Variants in BCL6B observed in about 807,000 individuals in gnomAD.
BCL6B encodes B-cell CLL/lymphoma 6 member B protein.
BCL6B carries 28 observed loss-of-function variants against 44.6 expected under a neutral mutation model. The observed-to-expected ratio is 0.63, with a 90% CI of 0.47 to 0.86. The LOEUF is 0.86. Among genes scored for constraint, BCL6B ranks in the 40% least tolerant of loss-of-function variants. The pLI, the probability that BCL6B is intolerant of heterozygous loss-of-function variation, is 0.00. For missense variants in BCL6B, 626 were observed against 652.3 expected (o/e 0.96, Z 0.44); for synonymous variants, 268 against 263.6 (o/e 1.02, Z -0.16).
intron 8 of BCL6B, 74 bp from the exon 9 acceptor site, chr17:7,027,423 AGAGCTG>A: frequency 1.3e-6 from 2 of 1,491,518 alleles, no homozygotes; most frequent in Non-Finnish European, 1.9e-6. Context: ...CCCACCTGGG[AGAGCTG>A]GACGGCCGCC....
Position 7,027,915 on chromosome 17 carries a change from C to CCTG in BCL6B, c.*296_*297insCTG. ...TCCTGGTCTCCCTAAGGGAATAGCC[C>CCTG]TCCACCTGTGGCCCCCATTGCATTC... On this transcript the variant is annotated 3_prime_UTR_variant, in exon 9 of 9. Coordinates refer to ENST00000293805, the MANE Select transcript of BCL6B (RefSeq NM_181844.4). 1 of 1,221,100 alleles carries CCTG rather than the reference C, an allele frequency of 8.2e-7. No homozygotes were observed. 75.6% of individuals were successfully genotyped at this position (1,221,100 alleles called of 1,614,324 possible). A position where few individuals can be genotyped will look rare whatever the true frequency, so the allele number is the denominator to read the frequency against.
At position 7,027,772 on chromosome 17, in the gene BCL6B, G is replaced by C. The variant is rs1221815015; in HGVS notation, c.*153G>C. 1.7e-5 allele frequency: 24 copies of C among 1,453,488 alleles called. No individual in the cohort carries two copies. The highest frequency in any genetic ancestry group is 1.8e-5 in the Non-Finnish European group (20 of 1,108,448). The allele number at this position is 1,453,488 out of a possible 1,614,324, so 90.0% of individuals were successfully genotyped here. On this transcript the variant is annotated 3_prime_UTR_variant, in exon 9 of 9. Transcript: ENST00000293805. ...CTTAATTTCTCACTGGGGAGAGCAG[G>C]GGTGGCAGATCCTGGCTAGATCTGC...
rs2151662854 is a variant in BCL6B at position 7,024,134 on chromosome 17, GCT to G, written c.238_239del (p.Leu80AlafsTer56). The G allele has an allele frequency of 1.9e-6, 3 of 1,613,952 alleles. No individual in the cohort carries two copies. The highest frequency in any genetic ancestry group is 2.5e-6 in the Non-Finnish European group (3 of 1,180,018). On this transcript the variant is annotated frameshift_variant, in exon 3 of 9. Coordinates refer to ENST00000293805, the MANE Select transcript of BCL6B (RefSeq NM_181844.4). LOFTEE classifies it high-confidence loss of function. The surrounding 1 kb of genome is among the most constrained non-coding windows in gnomAD (Gnocchi z 6.6). ...RGRAGVGVDV[L>X]SLPGGPEARG... ...GCCGTGCGGGAGTCGGGGTGGACGTGCTCTCTCTGCCCGGGGGTCCCGAAGCG... is the reference window on the plus strand; with the variant it reads ...GCCGTGCGGGAGTCGGGGTGGACGTGCTCTCTGCCCGGGGGTCCCGAAGCG...
In BCL6B at chr17:7,026,768, C is replaced by T. The variant is rs561480116; in HGVS notation, c.1118C>T (p.Thr373Met). 55 of 1,614,184 alleles carry T rather than the reference C, an allele frequency of 3.4e-5. 1 individual carries two copies. In the Middle Eastern group the frequency reaches 5.1e-3, roughly 150 times the overall value. The change falls in exon 7 of 9, where the codon ACG (threonine) becomes ATG (methionine). Residue 373 changes from threonine (T) to methionine (M), a missense_variant. Coordinates refer to ENST00000293805, the MANE Select transcript of BCL6B (RefSeq NM_181844.4). The stretch of plus-strand genomic sequence containing the variant: ...TTTAACCGGCCAGCAAACCTGAAAA[C>T]GCACAGCCGCATCCATTCGGGAGAG... ...ARFNRPANLK[T>M]HSRIHSGEKP...
Position 7,023,733 on chromosome 17 carries a change from C to A in BCL6B, c.62C>A (p.Ser21Tyr). The A allele has an allele frequency of 6.2e-7, 1 of 1,613,292 alleles. No homozygotes were observed. Among genetic ancestry groups the A allele is most frequent in the Admixed American group, 1.7e-5 (1 of 60,026 alleles). ...TACGTCCGCGAGTTCACTCGCCACT[C>A]CTCCGACGTGCTGGGCAACCTCAAC... ...LGYVREFTRH[S>Y]SDVLGNLNEL... Residue 21 changes from serine to tyrosine, a missense_variant, in exon 2 of 9, where the codon TCC (serine) becomes TAC (tyrosine). By Grantham distance (144) the Ser-to-Tyr change is moderately radical. Transcript: ENST00000293805.
At chr17:7,025,933 A>AT (rs1910275929) in intron 5 of BCL6B, among the ~76,000 whole-genome samples, 1 of 149,378 alleles carries the variant, frequency 6.7e-6, no homozygotes, top group African/African-American at 2.5e-5. Context: ...TTATTTATTT[A>AT]TTTTTTTGAG....
At chr17:7,023,977 G>A in intron 2 of BCL6B, 106 bp from the exon 3 acceptor site, 1 of 1,525,018 alleles carries the variant, frequency 6.6e-7, no homozygotes, top group South Asian at 1.2e-5. Flanking sequence ...TGGGGGCGGG[G>A]TGATAGTGAG....
rs1910332791 is a variant in BCL6B at position 7,027,529 on chromosome 17, G to C, written c.1350G>C (p.Arg450=). 6.2e-7 allele frequency: 1 copy of C among 1,613,810 alleles called. No individual in the cohort carries two copies. Among genetic ancestry groups the C allele is most frequent in the African/African-American group, 1.3e-5 (1 of 75,016 alleles). The change falls in exon 9 of 9, where the codon CGG becomes CGC. Residue 450 remains arginine, a synonymous_variant. Coordinates refer to ENST00000293805, the MANE Select transcript of BCL6B (RefSeq NM_181844.4). ...YHCDPCGLHF[R]HKSQLRLHLR... Reference sequence around the variant, plus strand: ...GCGACCCCTGTGGCCTGCATTTCCGGCACAAGAGTCAACTGCGGCTGCATC... The same window carrying C: ...GCGACCCCTGTGGCCTGCATTTCCGCCACAAGAGTCAACTGCGGCTGCATC...
intron 2 of BCL6B, 70 bp downstream of exon 2, chr17:7,023,920 A>C: frequency 6.4e-7 from 1 of 1,565,944 alleles, no homozygotes; most frequent in Non-Finnish European, 8.7e-7. Context: ...TTGAGAGGGA[A>C]TCCGAAGCCA....
rs745428770 is a variant in BCL6B at position 7,027,490 on chromosome 17, T to C, written c.1324-13T>C. 6.2e-7 allele frequency: 1 copy of C among 1,613,756 alleles called. No homozygotes were observed. The highest frequency in any genetic ancestry group is 8.5e-7 in the Non-Finnish European group (1 of 1,179,990). On this transcript the variant is annotated splice_polypyrimidine_tract_variant and intron_variant, in intron 8 of 8. Coordinates refer to ENST00000293805, the MANE Select transcript of BCL6B (RefSeq NM_181844.4). Reference sequence around the variant, plus strand: ...TGGATGGGGCAGGGCCTGACTTGGCTGTCCTCCCACAGTGCGACCCCTGTG... The same window carrying C: ...TGGATGGGGCAGGGCCTGACTTGGCCGTCCTCCCACAGTGCGACCCCTGTG...
chr17:7,027,234 G>A, intron 8 of BCL6B, 147 bp downstream of exon 8: 2 of 1,181,632 alleles, frequency 1.7e-6, no homozygotes, highest in Non-Finnish European at 2.3e-6. Context: ...AGGGGTGGAG[G>A]CTGGGAGTCA....
At position 7,026,633 on chromosome 17, in the gene BCL6B, G is replaced by A; in HGVS notation, c.1054+12G>A. ...TACAGTGCACACAGGTAGGGGAAGA[G>A]AGGGCCCTGGCCTTCAAGCCCACAG... On this transcript the variant is annotated intron_variant, in intron 6 of 8. Transcript: ENST00000293805. The A allele has an allele frequency of 6.2e-7, 1 of 1,614,070 alleles. No individual in the cohort carries two copies. Among genetic ancestry groups the A allele is most frequent in the Non-Finnish European group, 8.5e-7 (1 of 1,179,936 alleles).
At position 7,027,579 on chromosome 17, in the gene BCL6B, C is replaced by G; in HGVS notation, c.1400C>G (p.Thr467Ser). 1 of 1,613,770 alleles carries G rather than the reference C, an allele frequency of 6.2e-7. No homozygotes were observed. Among genetic ancestry groups the G allele is most frequent in the Non-Finnish European group, 8.5e-7 (1 of 1,180,006 alleles). Residue 467 changes from threonine to serine, a missense_variant, in exon 9 of 9, where the codon ACC becomes AGC. By Grantham distance (58) the Thr-to-Ser change is moderately conservative. Transcript: ENST00000293805. ...CTGCGCCAGAAACACGGAGCTGCTA[C>G]CAACACCAAAGTGCACTACCACATT... ...LHLRQKHGAA[T>S]NTKVHYHILG...
Position 7,027,069 on chromosome 17 carries a change from C to A in BCL6B, c.1305C>A (p.Thr435=), listed in dbSNP as rs539445999. ...TCAAGAGCCACGTTCGCATCCACAC[C>A]GGAGAGAAGCCTTACCACGTGGGTA... is the stretch of plus-strand genomic sequence containing the variant. ...QTLKSHVRIH[T]GEKPYHCDPC... Residue 435 remains threonine, a synonymous_variant, in exon 8 of 9, where the codon ACC becomes ACA. Coordinates refer to ENST00000293805, the MANE Select transcript of BCL6B (RefSeq NM_181844.4). 27 of 1,613,960 alleles carry A rather than the reference C, an allele frequency of 1.7e-5. No homozygotes were observed. The East Asian group carries it at 5.6e-4, about 33-fold the overall frequency.
At position 7,028,639 on chromosome 17, in the gene BCL6B, G is replaced by A. The variant is rs1427312490; in HGVS notation, c.*1020G>A. On this transcript the variant is annotated 3_prime_UTR_variant, in exon 9 of 9. Transcript: ENST00000293805. ...GTCCATCATCCTCCCACGGGGGCCT[G>A]TTCTTAGCACTGAGTTGATCGCTCC... 1.0e-6 allele frequency: 1 copy of A among 985,354 alleles called. No homozygotes were observed. The highest frequency in any genetic ancestry group is 1.1e-4 in the East Asian group (1 of 8,826). The allele number at this position is 985,354 out of a possible 1,614,324, so 61.0% of individuals were successfully genotyped here. A position where few individuals can be genotyped will look rare whatever the true frequency, so the allele number is the denominator to read the frequency against.
chr17:7,026,526 T>A lies in BCL6B; in HGVS notation c.959T>A (p.Val320Asp), dbSNP rs746191902. 6.2e-7 allele frequency: 1 copy of A among 1,614,052 alleles called. No homozygotes were observed. The highest frequency in any genetic ancestry group is 1.3e-5 in the African/African-American group (1 of 74,922). The change falls in exon 6 of 9, where the codon GTT becomes GAT. Residue 320 changes from valine to aspartate, a missense_variant. Transcript: ENST00000293805. ...TGCTCATCGGGGCTGGACTCCTTGG[T>A]TCCTGGGGACGAAGACAAACCCTAT... ...AGCSSGLDSLVPGDEDKPYKC... is the reference protein window; with the variant it reads ...AGCSSGLDSLDPGDEDKPYKC...
chr17:7,025,790 T>A (rs1339972590), intron 5 of BCL6B, among the ~76,000 whole-genome samples: 2 of 115,340 alleles, frequency 1.7e-5, no homozygotes, highest in Non-Finnish European at 3.2e-5. Context: ...TGAGCCGAGA[T>A]CACACCACTG....
chr17:7,025,702 T>G (rs1243171049), intron 5 of BCL6B, among the ~76,000 whole-genome samples: 1 of 151,748 alleles, frequency 6.6e-6, no homozygotes, highest in Non-Finnish European at 1.5e-5. Context: ...CCGGGCACGG[T>G]GGTGCACACC....
intron 5 of BCL6B, 57 bp downstream of exon 5, chr17:7,025,257 CA>C: frequency 1.3e-6 from 2 of 1,597,906 alleles, no homozygotes; most frequent in Non-Finnish European, 8.5e-7. Context: ...AAGTTTGTGC[CA>C]AAAACTCTCC....
Sources: gnomAD v4.1 joint callset for allele counts (sites outside exome capture counted in the v4.1 genomes callset) on GRCh38, gnomAD v4.1.1 for gene constraint, Gnocchi (gnomAD v3.1) non-coding constraint, MANE v1.5 for transcripts, NCBI Gene and HGNC (gene_info 2026-07-23, HGNC 2026-07-21) for gene names.